The following TMEM132C variants were observed in gnomAD, a reference collection of about 807,000 sequenced individuals.
TMEM132C encodes the protein transmembrane protein 132C.
In TMEM132C, 29 loss-of-function variants were observed where a neutral mutation model predicts 61.4. That is an observed-to-expected ratio of 0.47 (90% confidence interval 0.35 to 0.64). TMEM132C has a LOEUF of 0.64. Among genes scored for constraint, TMEM132C ranks in the 30% least tolerant of loss-of-function variants. The pLI, the probability that TMEM132C is intolerant of heterozygous loss-of-function variation, is 0.00. For missense variants in TMEM132C, 1,408 were observed against 1,476.9 expected (o/e 0.95, Z 0.76); for synonymous variants, 656 against 633.1 (o/e 1.04, Z -0.54).
chr12:128,339,871 TCTTGGCAGAA>T (rs1872901163), intron 1 of TMEM132C, among the ~76,000 whole-genome samples: 1 of 152,150 alleles, frequency 6.6e-6, no homozygotes, highest in African/African-American at 2.4e-5. Flanking sequence ...CACCCAAGAA[TCTTGGCAGAA>T]CTGTGTCCAC....
intron 2 of TMEM132C, among the ~76,000 whole-genome samples, chr12:128,495,443 G>T (rs1441370840): frequency 6.6e-6 from 1 of 152,124 alleles, no homozygotes; most frequent in Non-Finnish European, 1.5e-5. Flanking sequence ...GGGTGTTGAA[G>T]TCTCTCATTA....
intron 2 of TMEM132C, among the ~76,000 whole-genome samples, chr12:128,450,904 C>T (rs983669579): frequency 1.3e-5 from 2 of 152,100 alleles, no homozygotes; most frequent in Non-Finnish European, 1.5e-5. Flanking sequence ...AAATCTTGTC[C>T]TTCAAACCTT....
chr12:128,452,782 A>T (rs867946836), intron 2 of TMEM132C, among the ~76,000 whole-genome samples: 2 of 152,124 alleles, frequency 1.3e-5, no homozygotes, highest in Non-Finnish European at 2.9e-5. Context: ...ACCGATCCAG[A>T]TCTTTAAATG....
At chr12:128,472,859 A>T (rs908788927) in intron 2 of TMEM132C, among the ~76,000 whole-genome samples, 1 of 152,144 alleles carries the variant, frequency 6.6e-6, no homozygotes, top group Admixed American at 6.6e-5. Flanking sequence ...GGTTCACATG[A>T]CCAGGAGCCC....
intron 1 of TMEM132C, among the ~76,000 whole-genome samples, chr12:128,268,703 A>G (rs979313404): frequency 1.3e-5 from 2 of 152,070 alleles, no homozygotes; most frequent in Non-Finnish European, 2.9e-5. Flanking sequence ...CAAGTTGTCA[A>G]TGGAGGTTTA....
At chr12:128,323,687 C>T (rs780307451) in intron 1 of TMEM132C, among the ~76,000 whole-genome samples, 1 of 152,086 alleles carries the variant, frequency 6.6e-6, no homozygotes, top group Non-Finnish European at 1.5e-5. Context: ...CAGGAACCAG[C>T]GGGTGGCCAA....
At chr12:128,572,034 G>A (rs142486396) in intron 3 of TMEM132C, among the ~76,000 whole-genome samples, 1 of 151,886 alleles carries the variant, frequency 6.6e-6, no homozygotes, top group East Asian at 1.9e-4. Context: ...GCCAGACCTG[G>A]GTCACATTCC....
At chr12:128,293,260 G>T (rs757214268) in intron 1 of TMEM132C, among the ~76,000 whole-genome samples, 1 of 152,124 alleles carries the variant, frequency 6.6e-6, no homozygotes, top group Non-Finnish European at 1.5e-5. Context: ...TCAGGGGGCC[G>T]TTTCATTGCA....
chr12:128,366,061 G>A (rs527927317), intron 1 of TMEM132C, among the ~76,000 whole-genome samples: 1 of 152,214 alleles, frequency 6.6e-6, no homozygotes, highest in African/African-American at 2.4e-5. Context: ...GTTTCGGAAG[G>A]CGCTGTGAAT....
At chr12:128,419,714 C>A (rs1488762132) in intron 2 of TMEM132C, among the ~76,000 whole-genome samples, 1 of 151,852 alleles carries the variant, frequency 6.6e-6, no homozygotes, top group Non-Finnish European at 1.5e-5. Flanking sequence ...ACAAAACAAA[C>A]AAAACAGTGG....
At chr12:128,593,458 C>T (rs1353509581) in intron 3 of TMEM132C, among the ~76,000 whole-genome samples, 2 of 152,196 alleles carry the variant, frequency 1.3e-5, no homozygotes, top group East Asian at 3.9e-4. Context: ...ACCTCACTCC[C>T]ACTCTGCAGA....
intron 3 of TMEM132C, among the ~76,000 whole-genome samples, chr12:128,591,403 A>G (rs1004135761): frequency 2.6e-5 from 4 of 152,118 alleles, no homozygotes; most frequent in Non-Finnish European, 5.9e-5. Flanking sequence ...ACTCAGCGTC[A>G]TGGTCTGAGG....
At chr12:128,348,165 T>C (rs938870654) in intron 1 of TMEM132C, among the ~76,000 whole-genome samples, 23 of 152,214 alleles carry the variant, frequency 1.5e-4, no homozygotes, top group Non-Finnish European at 3.1e-4. Flanking sequence ...CTTTGTTAAA[T>C]TGATGCCTAA....
rs1400810016 is a variant in TMEM132C, at chr12:128,705,609, G to A, written c.2641G>A (p.Gly881Arg). 1.9e-6 allele frequency: 3 copies of A among 1,550,918 alleles called. No individual in the cohort carries two copies. In the African/African-American group the frequency reaches 4.1e-5, roughly 21 times the overall value. Reference sequence around the variant, plus strand: ...TCGGGCAGACGGGGGCAGGCTGGCAGGAGAGGGGCAGCTGCAGAACATCCC... The same window carrying A: ...TCGGGCAGACGGGGGCAGGCTGGCAAGAGAGGGGCAGCTGCAGAACATCCC... ...NSRADGGRLAGEGQLQNIPID... is the reference protein window; with the variant it reads ...NSRADGGRLAREGQLQNIPID... Residue 881 changes from glycine (G) to arginine (R), a missense_variant, in exon 9 of 9, where the codon GGA (glycine) becomes AGA (arginine). By Grantham distance (125) the Gly-to-Arg change is moderately radical. Coordinates refer to ENST00000435159, the MANE Select transcript of TMEM132C (RefSeq NM_001136103.3).
intron 4 of TMEM132C, among the ~76,000 whole-genome samples, chr12:128,625,752 G>A (rs1235715874): frequency 1.3e-5 from 2 of 152,158 alleles, no homozygotes; most frequent in Non-Finnish European, 2.9e-5. Context: ...TGAGATTTGG[G>A]TGGGGACACA....
At chr12:128,621,110 G>C (rs999670028) in intron 4 of TMEM132C, among the ~76,000 whole-genome samples, 6 of 151,894 alleles carry the variant, frequency 4.0e-5, no homozygotes, top group Non-Finnish European at 8.8e-5. Context: ...TCTGCTCTGG[G>C]CCCTGGGGGC....
intron 4 of TMEM132C, among the ~76,000 whole-genome samples, chr12:128,655,205 G>A (rs982606057): frequency 6.6e-6 from 1 of 152,162 alleles, no homozygotes; most frequent in Non-Finnish European, 1.5e-5. Flanking sequence ...TTCGCAAGCC[G>A]GCGGTAACAG....
chr12:128,280,514 A>G (rs1165809463), intron 1 of TMEM132C, among the ~76,000 whole-genome samples: 1 of 152,202 alleles, frequency 6.6e-6, no homozygotes, highest in Non-Finnish European at 1.5e-5. Flanking sequence ...TAAGGAAAAC[A>G]TGCTTAAATT....
At chr12:128,339,573 G>C (rs1872891828) in intron 1 of TMEM132C, among the ~76,000 whole-genome samples, 1 of 151,716 alleles carries the variant, frequency 6.6e-6, no homozygotes, top group South Asian at 2.1e-4. Context: ...GGGGACTGCT[G>C]TCTTGGTGCT....
Sources: allele counts gnomAD v4.1 joint callset (sites outside exome capture counted in the v4.1 genomes callset), GRCh38; gene constraint gnomAD v4.1.1; transcripts MANE v1.5; gene names NCBI Gene and HGNC (gene_info 2026-07-23, HGNC 2026-07-21).